Variants in OGFOD1 observed in about 807,000 individuals in gnomAD.
OGFOD1 encodes the protein 2-oxoglutarate and iron dependent oxygenase domain containing 1.
Under a neutral mutation model 67.7 loss-of-function variants are expected in OGFOD1, and 54 were observed. That is an observed-to-expected ratio of 0.80 (90% CI 0.64 to 1.00). The LOEUF is 1.00. Ranked by LOEUF, OGFOD1 falls within the 50% of genes least tolerant of loss-of-function variation. The pLI is 0.00. For synonymous variants in OGFOD1, 221 were observed against 227.0 expected (o/e 0.97, Z 0.24); for missense variants, 606 against 646.7 (o/e 0.94, Z 0.68).
intron 3 of OGFOD1, chr16:56,458,869 G>T (rs1363868460): frequency 2.4e-6 from 1 of 422,454 alleles, no homozygotes; most frequent in African/African-American, 2.0e-5. Flanking sequence ...TAACACTGGA[G>T]ATACCATTTT....
chr16:56,475,571 T>A lies in OGFOD1; in HGVS notation c.1467+6T>A. Reference sequence around the variant, plus strand: ...CCAAAGGTGAAGATGAAGAGGTAAGTTTCTTCTGATAGCAAACTATCATTT... The same window carrying A: ...CCAAAGGTGAAGATGAAGAGGTAAGATTCTTCTGATAGCAAACTATCATTT... On this transcript the variant is annotated splice_donor_region_variant and intron_variant, in intron 12 of 12. Coordinates refer to ENST00000566157, the MANE Select transcript of OGFOD1 (RefSeq NM_018233.4). 1 of 1,612,528 alleles carries A rather than the reference T, an allele frequency of 6.2e-7. No homozygotes were observed. The highest frequency in any genetic ancestry group is 1.1e-5 in the South Asian group (1 of 91,016).
Position 56,474,833 on chromosome 16 carries a change from A to G in OGFOD1, c.1291A>G (p.Ser431Gly), listed in dbSNP as rs1239716012. 12 of 1,604,900 alleles carry G rather than the reference A, an allele frequency of 7.5e-6. No homozygotes were observed. The highest frequency in any genetic ancestry group is 9.3e-6 in the Non-Finnish European group (11 of 1,177,018). ...ATCTTTTTTTTTTTCCTTAGAATCA[A>G]GTGTTCCCATGTGCCAAGGGGAACT... Reference protein sequence around the residue: ...PEENETKKESSVPMCQGELRH... With the variant: ...PEENETKKESGVPMCQGELRH... Residue 431 changes from serine to glycine, a missense_variant, in exon 11 of 13, where the codon AGT (serine) becomes GGT (glycine). Transcript: ENST00000566157.
At chr16:56,470,348 C>A in intron 9 of OGFOD1, 139 bp from the exon 10 acceptor site, 1 of 804,764 alleles carries the variant, frequency 1.2e-6, no homozygotes, top group East Asian at 2.6e-5. Context: ...AACAAAATCT[C>A]ACTATTGTAA....
In OGFOD1 at chr16:56,478,060, AATG is replaced by A. The variant is rs1279834851; in HGVS notation, c.*1860_*1862del. 5 of 152,196 alleles carry A rather than the reference AATG, an allele frequency of 3.3e-5. No homozygotes were observed. The highest frequency in any genetic ancestry group is 9.7e-5 in the African/African-American group (4 of 41,448). The allele number at this position is 152,196 out of a possible 1,614,324, so 9.4% of individuals were successfully genotyped here. A position where few individuals can be genotyped will look rare whatever the true frequency, so the allele number is the denominator to read the frequency against. On this transcript the variant is annotated 3_prime_UTR_variant, in exon 13 of 13. Transcript: ENST00000566157. ...TACTGTTATAAAACACTAATTTTTAAATGATGAGATAAAAAGAAATATCTAGAA... is the reference window on the plus strand; with the variant it reads ...TACTGTTATAAAACACTAATTTTTAAATGAGATAAAAAGAAATATCTAGAA...
chr16:56,467,384 C>A, intron 7 of OGFOD1, 91 bp downstream of exon 7: 2 of 1,377,688 alleles, frequency 1.5e-6, no homozygotes, highest in Non-Finnish European at 2.0e-6. Context: ...TTTAATGAAA[C>A]TGGACCTTGA....
rs2144015721 is a variant in OGFOD1, at chr16:56,467,146, A to G, written c.658-19A>G. On this transcript the variant is annotated intron_variant, in intron 6 of 12. Transcript: ENST00000566157. ...CCCCTATTCTTCGTGTTGATGTGCT[A>G]CTGGGCTTCTCCTTTCAGGTGTCTG... 2.5e-6 allele frequency: 4 copies of G among 1,614,052 alleles called. No homozygotes were observed. The East Asian group carries it at 8.9e-5, about 36-fold the overall frequency.
chr16:56,453,168 C>A (rs1962399932), intron 1 of OGFOD1, 95 bp from the exon 2 acceptor site: 2 of 1,310,810 alleles, frequency 1.5e-6, no homozygotes, highest in African/African-American at 1.5e-5. Flanking sequence ...CCCCAAAATT[C>A]ATGACCATCC....
At chr16:56,467,118 A>C (rs374420495) in intron 6 of OGFOD1, 47 bp from the exon 7 acceptor site, 28 of 1,612,868 alleles carry the variant, frequency 1.7e-5, no homozygotes, top group Non-Finnish European at 2.3e-5. Context: ...ATTGGCGGTA[A>C]TCCCCCTATT....
intron 3 of OGFOD1, chr16:56,458,813 C>G: frequency 1.9e-6 from 1 of 516,388 alleles, no homozygotes. Context: ...CCCAAGTTCT[C>G]AGTGATAAAA....
In OGFOD1 at chr16:56,470,066, G is replaced by T; in HGVS notation, c.964G>T (p.Gly322Cys). The T allele has an allele frequency of 6.2e-7, 1 of 1,613,904 alleles. No homozygotes were observed. The highest frequency in any genetic ancestry group is 8.5e-7 in the Non-Finnish European group (1 of 1,179,932). Residue 322 changes from glycine to cysteine, a missense_variant, in exon 9 of 13, where the codon GGT becomes TGT. Transcript: ENST00000566157. Reference sequence around the variant, plus strand: ...TGGACATGTGGAATGGAGCAGCCGAGGTCCCCCTAACAAAAGGTAGAACCC... The same window carrying T: ...TGGACATGTGGAATGGAGCAGCCGATGTCCCCCTAACAAAAGGTAGAACCC... ...EHGHVEWSSRGPPNKRFYEKA... is the reference protein window; with the variant it reads ...EHGHVEWSSRCPPNKRFYEKA...
At chr16:56,459,787 A>G (rs1356982602) in intron 3 of OGFOD1, among the ~76,000 whole-genome samples, 1 of 152,242 alleles carries the variant, frequency 6.6e-6, no homozygotes, top group Non-Finnish European at 1.5e-5. Context: ...TTATTTTAAA[A>G]AGAGATACAC....
At chr16:56,475,105 G>A (rs1444986603) in intron 11 of OGFOD1, among the ~76,000 whole-genome samples, 155 bp downstream of exon 11, 1 of 152,156 alleles carries the variant, frequency 6.6e-6, no homozygotes, top group African/African-American at 2.4e-5. Flanking sequence ...TACGGGTCAT[G>A]AATTCCAGTC....
intron 7 of OGFOD1, among the ~76,000 whole-genome samples, chr16:56,467,613 G>T (rs1390742510): frequency 6.6e-6 from 1 of 151,860 alleles, no homozygotes; most frequent in Non-Finnish European, 1.5e-5. Flanking sequence ...TTTTAGTAGA[G>T]AAAGGGTTTC....
At chr16:56,472,906 A>C (rs1236325202) in intron 10 of OGFOD1, among the ~76,000 whole-genome samples, 1 of 151,292 alleles carries the variant, frequency 6.6e-6, no homozygotes. Flanking sequence ...CTTCCACCAA[A>C]GCAGTTTTGC....
At chr16:56,469,829 A>G in intron 8 of OGFOD1, among the ~76,000 whole-genome samples, 174 bp from the exon 9 acceptor site, 1 of 139,970 alleles carries the variant, frequency 7.1e-6, no homozygotes. Context: ...CAGCCTGGGC[A>G]ACAAGAGTGA....
rs2143955336 is a variant in OGFOD1 at position 56,451,679 on chromosome 16, A to G, written c.67A>G (p.Met23Val). 1.1e-5 allele frequency: 17 copies of G among 1,614,050 alleles called. No homozygotes were observed. Among genetic ancestry groups the G allele is most frequent in the Non-Finnish European group, 1.4e-5 (17 of 1,179,966 alleles). ...RVGKKGKKEV[M>V]AEFSDAVTEE... ...GGGAAAAAAGGGAAAGAAGGAGGTG[A>G]TGGCGGAGTTTTCGGACGCTGTTAC... Residue 23 changes from methionine (M) to valine (V), a missense_variant, in exon 1 of 13, where the codon ATG (methionine) becomes GTG (valine). By Grantham distance (21) the Met-to-Val change is conservative. Transcript: ENST00000566157.
At chr16:56,453,922 C>T (rs1216999703) in intron 2 of OGFOD1, among the ~76,000 whole-genome samples, 2 of 152,060 alleles carry the variant, frequency 1.3e-5, no homozygotes, top group African/African-American at 4.8e-5. Context: ...GTGAATGTGA[C>T]GGTGATAGAG....
intron 4 of OGFOD1, 35 bp downstream of exon 4, chr16:56,462,669 T>G (rs776609543): frequency 4.8e-6 from 6 of 1,260,684 alleles, no homozygotes; most frequent in Non-Finnish European, 7.0e-6. Context: ...CTGTAAGATA[T>G]AAAGGCTTTA....
chr16:56,473,132 G>A (rs1483290915), intron 10 of OGFOD1, among the ~76,000 whole-genome samples: 2 of 151,964 alleles, frequency 1.3e-5, no homozygotes, highest in South Asian at 2.1e-4. Context: ...GGGTTTCACC[G>A]TGTTAGCCAG....
Sources: gnomAD v4.1 joint callset for allele counts (sites outside exome capture counted in the v4.1 genomes callset) on GRCh38, gnomAD v4.1.1 for gene constraint, MANE v1.5 for transcripts, NCBI Gene and HGNC (gene_info 2026-07-23, HGNC 2026-07-21) for gene names.